The following ATAD3B variants were observed in gnomAD, a reference collection of about 807,000 sequenced individuals.
ATAD3B encodes ATPase family AAA domain-containing protein 3B.
A neutral mutation model predicts 70.2 loss-of-function variants in ATAD3B; 59 were observed. The observed-to-expected ratio is 0.84, with a 90% CI of 0.68 to 1.04. The LOEUF (loss-of-function observed/expected upper bound fraction) is 1.04, where lower values mean the gene tolerates loss of function less well. ATAD3B is among the 50% of genes least tolerant of loss of function. The pLI is 0.00. For missense variants in ATAD3B, 961 were observed against 913.4 expected, an observed-to-expected ratio of 1.05 and a Z score of -0.67; for synonymous variants, 423 against 388.6, an observed-to-expected ratio of 1.09 and a Z score of -1.04.
the ATAD3B span, among the ~76,000 whole-genome samples, chr1:1,508,312 G>T: frequency 9.5e-4 from 144 of 151,476 alleles, 4 homozygotes; most frequent in African/African-American, 3.3e-3. Context: ...CGCTGGCAGA[G>T]GGGACGGGCA....
At chr1:1,498,653 C>T (rs1640871543), downstream of ATAD3B, among the ~76,000 whole-genome samples, 1 of 151,698 alleles carries the variant, frequency 6.6e-6, no homozygotes, top group Non-Finnish European at 1.5e-5. Context: ...AGCGATCCTC[C>T]TGCCTCGGCC....
chr1:1,490,362 G>A lies in ATAD3B; in HGVS notation c.1443G>A (p.Arg481=). Residue 481 remains arginine, a synonymous_variant, in exon 14 of 16, where the codon CGG becomes CGA. Coordinates refer to ENST00000673477, the MANE Select transcript of ATAD3B (RefSeq NM_031921.6). ...TCGACCTGCCGCAGCAGGAGGAGCG[G>A]GAGCGCCTGGTGAGACTGCATTTTG... ...VHFDLPQQEE[R]ERLVRLHFDN... 2 of 1,613,484 alleles carry A rather than the reference G, an allele frequency of 1.2e-6. No individual in the cohort carries two copies. Among genetic ancestry groups the A allele is most frequent in the Middle Eastern group, 1.6e-4 (1 of 6,062 alleles).
rs146492872 is a variant in ATAD3B at position 1,495,613 on chromosome 1, C to T, written c.1743C>T (p.Val581=). The T allele has an allele frequency of 2.2e-4, 351 of 1,613,022 alleles. 9 individuals are homozygous for T. Among genetic ancestry groups the T allele is most frequent in the South Asian group, 1.4e-3 (126 of 91,014 alleles). Residue 581 remains valine (V), a synonymous_variant, in exon 16 of 16, where the codon GTC becomes GTT. Transcript: ENST00000673477. ...AGGCGGAGGGGCCTGGGCGCGGGGT[C>T]GAGCACCCCCTATCCGGAGTCCAAG... The part of the protein sequence containing the change: ...WLKAEGPGRG[V]EHPLSGVQGE...
rs774393117 is a variant in ATAD3B, at chr1:1,485,029, C to T, written c.764C>T (p.Thr255Met). 1.1e-5 allele frequency: 18 copies of T among 1,602,660 alleles called. No individual in the cohort carries two copies. Among genetic ancestry groups the T allele is most frequent in the South Asian group, 6.7e-5 (6 of 89,688 alleles). The change falls in exon 8 of 16, where the codon ACG becomes ATG. Residue 255 changes from threonine to methionine, a missense_variant. Around this residue, in one of 4 missense-constraint regions of ATAD3B, gnomAD observed 349 missense variants for 307.5 expected, o/e 1.14. Transcript: ENST00000673477. ...TCTCTGCTGCAGGTGGCTGGGCTGA[C>T]GCTGCTGGCTGTCGGGGTCTACTCA... ...DKVTATVAGL[T>M]LLAVGVYSAK...
downstream of ATAD3B, among the ~76,000 whole-genome samples, chr1:1,499,005 G>GCT (rs2100613479): frequency 6.8e-6 from 1 of 147,586 alleles, no homozygotes; most frequent in South Asian, 2.2e-4. Context: ...AGAGTCTCAT[G>GCT]CTGTCGCCTA....
the ATAD3B span, chr1:1,503,697 G>T: frequency 2.4e-4 from 384 of 1,607,018 alleles, 4 homozygotes; most frequent in South Asian, 4.1e-3. Flanking sequence ...AGGCCGGGGC[G>T]CACATGGGGT....
chr1:1,485,657 G>A, intron 8 of ATAD3B, 125 bp from the exon 9 acceptor site: 1 of 1,463,282 alleles, frequency 6.8e-7, no homozygotes, highest in East Asian at 2.5e-5. Context: ...TCCAGCTCCG[G>A]GCCGGTCCTG....
intron 9 of ATAD3B, 109 bp downstream of exon 9, chr1:1,485,947 C>G: frequency 6.3e-7 from 1 of 1,598,858 alleles, no homozygotes; most frequent in Non-Finnish European, 8.5e-7. Context: ...CTTTTGGGTC[C>G]TGAGATGCAA....
intron 4 of ATAD3B, among the ~76,000 whole-genome samples, chr1:1,479,922 C>G (rs1409718572): frequency 7.1e-6 from 1 of 141,188 alleles, no homozygotes; most frequent in Non-Finnish European, 1.5e-5. Flanking sequence ...GCGCACACAC[C>G]CGGACATGCA....
Position 1,496,384 on chromosome 1 carries a change from G to A in ATAD3B, c.*567G>A, listed in dbSNP as rs186841268. 6 of 415,468 alleles carry A rather than the reference G, an allele frequency of 1.4e-5. No homozygotes were observed. In the East Asian group the frequency reaches 7.9e-4, roughly 55 times the overall value. The allele number at this position is 415,468 out of a possible 1,614,324, so 25.7% of individuals were successfully genotyped here. On this transcript the variant is annotated 3_prime_UTR_variant, in exon 16 of 16. Transcript: ENST00000673477. ...CCGAGTTGGGGTCTGAATGCTGCCC[G>A]GGACTGCCGCCTGCGCCCCACCAGC...
intron 7 of ATAD3B, chr1:1,483,053 C>A (rs917456999): frequency 2.2e-6 from 1 of 454,740 alleles, no homozygotes; most frequent in Non-Finnish European, 4.4e-6. Flanking sequence ...CCAGCATTTT[C>A]GGAGGCGGAG....
Position 1,495,660 on chromosome 1 carries a change from G to T in ATAD3B, c.1790G>T (p.Ser597Ile). ...GVQGETLTSW[S>I]LATDPSYPCL... ...CAAGGCGAGACCCTCACCTCATGGA[G>T]CCTGGCCACGGACCCCTCCTACCCC... is the stretch of plus-strand genomic sequence containing the variant. Residue 597 changes from serine (S) to isoleucine (I), a missense_variant, in exon 16 of 16, where the codon AGC (serine) becomes ATC (isoleucine). Physicochemically the swap from Ser to Ile is moderately radical, Grantham distance 142. This residue lies in a region of ATAD3B where 417 missense variants were observed against 335.0 expected (regional missense o/e 1.24). Transcript: ENST00000673477. The T allele has an allele frequency of 6.2e-7, 1 of 1,612,960 alleles. No homozygotes were observed. Among genetic ancestry groups the T allele is most frequent in the Non-Finnish European group, 8.5e-7 (1 of 1,179,338 alleles).
intron 1 of ATAD3B, among the ~76,000 whole-genome samples, chr1:1,473,451 G>A (rs1435632807): frequency 2.6e-5 from 4 of 151,420 alleles, no homozygotes; most frequent in African/African-American, 9.7e-5. Context: ...TGGTCCACCC[G>A]CCTCGGCCTC....
At chr1:1,486,793 A>G (rs1640245831) in intron 11 of ATAD3B, 125 bp downstream of exon 11, 16 of 1,485,498 alleles carry the variant, frequency 1.1e-5, no homozygotes, top group South Asian at 2.7e-5. Context: ...GTGGCCACGC[A>G]GGAGGCCCAA....
chr1:1,503,251 T>G, the ATAD3B span: 1 of 237,934 alleles, frequency 4.2e-6, no homozygotes, highest in Non-Finnish European at 8.5e-6. Context: ...TAAAAGCATA[T>G]GTATCATGAT....
At position 1,487,312 on chromosome 1, in the gene ATAD3B, C is replaced by T. The variant is rs1640272822; in HGVS notation, c.1215-551C>T. 1.3e-5 allele frequency among the ~76,000 whole-genome samples: 2 copies of T among 151,792 alleles called. 1 individual carries two copies. The highest frequency in any genetic ancestry group is 4.2e-4 in the South Asian group (2 of 4,796). On this transcript the variant is annotated intron_variant, in intron 11 of 15. Transcript: ENST00000673477. ...GACCATCCTGGCTAACTTGGTGAAA[C>T]CCCGTCTCTACTAAAAATACAAAAA...
At chr1:1,490,785 T>G in intron 15 of ATAD3B, 114 bp downstream of exon 15, 2 of 1,495,662 alleles carry the variant, frequency 1.3e-6, no homozygotes, top group Admixed American at 4.2e-5. Context: ...TGTTGAGGGG[T>G]TTTCAGTGCA....
chr1:1,507,338 C>T, the ATAD3B span, among the ~76,000 whole-genome samples: 1 of 152,212 alleles, frequency 6.6e-6, no homozygotes, highest in South Asian at 2.1e-4. Context: ...ATGTTTAGGG[C>T]GTGTGTTTCA....
downstream of ATAD3B, among the ~76,000 whole-genome samples, chr1:1,498,042 C>T (rs1214168389): frequency 6.6e-6 from 1 of 151,254 alleles, no homozygotes; most frequent in African/African-American, 2.4e-5. Flanking sequence ...GTGGCTCACT[C>T]CTGTAATCCC....
Sources: gnomAD v4.1 joint callset for allele counts (sites outside exome capture counted in the v4.1 genomes callset) on GRCh38, gnomAD v4.1.1 for gene constraint, gnomAD v4.1.1 regional missense constraint, MANE v1.5 for transcripts, NCBI Gene and HGNC (gene_info 2026-07-23, HGNC 2026-07-21) for gene names.